EIF2AK3: variants seen among roughly 807,000 people sequenced by gnomAD.
EIF2AK3 encodes eukaryotic translation initiation factor 2 alpha kinase 3.
In EIF2AK3, 50 loss-of-function variants were observed where a neutral mutation model predicts 113.5. The observed-to-expected ratio is 0.44, with a 90% CI of 0.35 to 0.56. EIF2AK3 has a LOEUF of 0.56. Among genes scored for constraint, EIF2AK3 ranks in the 20% least tolerant of loss-of-function variants. The pLI is 0.00. For synonymous variants in EIF2AK3, 448 were observed against 495.4 expected (o/e 0.90, Z 1.27); for missense variants, 1,185 against 1,378.0 (o/e 0.86, Z 2.22).
chr2:88,583,926 TAAC>T (rs758210548), intron 9 of EIF2AK3, among the ~76,000 whole-genome samples: 42 of 152,020 alleles, frequency 2.8e-4, no homozygotes, highest in East Asian at 1.9e-4. Flanking sequence ...CCAGTAACAA[TAAC>T]AACAACAACA....
intron 2 of EIF2AK3, among the ~76,000 whole-genome samples, chr2:88,602,340 T>C (rs1675170833): frequency 6.6e-6 from 1 of 152,096 alleles, no homozygotes; most frequent in African/African-American, 2.4e-5. Context: ...GTGAGACCAG[T>C]GTGTTCCCTA....
At chr2:88,582,968 G>A (rs1674634912) in intron 10 of EIF2AK3, among the ~76,000 whole-genome samples, 1 of 151,982 alleles carries the variant, frequency 6.6e-6, no homozygotes, top group Non-Finnish European at 1.5e-5. Context: ...TATTTAAACT[G>A]CCTACTTTTA....
In EIF2AK3 at chr2:88,590,469, C is replaced by T. The variant is rs1396329078; in HGVS notation, c.1139G>A (p.Gly380Glu). ...CAAGTAAACACTGTTTTCTGTGGCT[C>T]CTCTGGCAGCTTCTACAATGTCTTC... ...DEEDIVEAARGATENSVYLGM... is the reference protein window; with the variant it reads ...DEEDIVEAAREATENSVYLGM... The change falls in exon 6 of 17, where the codon GGA becomes GAA. Residue 380 changes from glycine (G) to glutamate (E), a missense_variant. Gly to Glu is a moderately conservative substitution (Grantham distance 98). Transcript: ENST00000303236. The T allele has an allele frequency of 6.2e-7, 1 of 1,613,842 alleles. No homozygotes were observed. Among genetic ancestry groups the T allele is most frequent in the African/African-American group, 1.3e-5 (1 of 75,016 alleles).
In EIF2AK3 at chr2:88,621,025, C is replaced by A. The variant is rs182236197; in HGVS notation, c.308+5942G>T. 1.7e-3 allele frequency among the ~76,000 whole-genome samples: 253 copies of A among 152,276 alleles called. 2 individuals carry two copies. The highest frequency in any genetic ancestry group is 6.0e-3 in the African/African-American group (249 of 41,546). The stretch of plus-strand genomic sequence containing the variant: ...GATGTGATTTACCTAAGGTTATGCA[C>A]CAAATACAAAATTTTGAACAGGAGC... On this transcript the variant is annotated intron_variant, in intron 1 of 16. Transcript: ENST00000303236.
chr2:88,622,602 G>T (rs1010414091), intron 1 of EIF2AK3, among the ~76,000 whole-genome samples: 2 of 152,152 alleles, frequency 1.3e-5, no homozygotes, highest in Non-Finnish European at 2.9e-5. Flanking sequence ...TTCATTACTT[G>T]CCTGAAGTAT....
chr2:88,564,632 C>T (rs1399005113), intron 14 of EIF2AK3, among the ~76,000 whole-genome samples: 1 of 152,170 alleles, frequency 6.6e-6, no homozygotes, highest in African/African-American at 2.4e-5. Flanking sequence ...CCGGGACTAC[C>T]TGGTGTTCAT....
intron 1 of EIF2AK3, among the ~76,000 whole-genome samples, 171 bp from the exon 2 acceptor site, chr2:88,614,024 A>G (rs1032540621): frequency 6.6e-6 from 1 of 152,092 alleles, no homozygotes; most frequent in African/African-American, 2.4e-5. Context: ...CAATTTCAAT[A>G]TGCCCTTTAT....
chr2:88,614,009 C>A (rs577439390), intron 1 of EIF2AK3, among the ~76,000 whole-genome samples, 156 bp from the exon 2 acceptor site: 1 of 152,106 alleles, frequency 6.6e-6, no homozygotes, highest in Non-Finnish European at 1.5e-5. Context: ...GTCTTTGGAC[C>A]AAGACAATTT....
At chr2:88,615,200 ACACTCC>A (rs1675539869) in intron 1 of EIF2AK3, among the ~76,000 whole-genome samples, 1 of 152,190 alleles carries the variant, frequency 6.6e-6, no homozygotes, top group African/African-American at 2.4e-5. Context: ...TGAACTGTCC[ACACTCC>A]CATCTACCGC....
intron 16 of EIF2AK3, 28 bp from the exon 17 acceptor site, chr2:88,557,964 A>G (rs1424520927): frequency 2.5e-6 from 4 of 1,606,074 alleles, no homozygotes; most frequent in East Asian, 2.2e-5. Context: ...GTTTTGTGAT[A>G]AAACGGCCAG....
At chr2:88,568,660 C>T (rs760274784) in intron 14 of EIF2AK3, among the ~76,000 whole-genome samples, 1 of 152,080 alleles carries the variant, frequency 6.6e-6, no homozygotes, top group Non-Finnish European at 1.5e-5. Flanking sequence ...TGTATTAAAA[C>T]GACAGTATGT....
At chr2:88,559,259 G>A (rs1673873643) in intron 15 of EIF2AK3, among the ~76,000 whole-genome samples, 1 of 152,086 alleles carries the variant, frequency 6.6e-6, no homozygotes. Flanking sequence ...TTTAAAAATA[G>A]ATGGTTGCAT....
At chr2:88,560,722 T>C (rs985950307) in intron 15 of EIF2AK3, among the ~76,000 whole-genome samples, 19 of 152,178 alleles carry the variant, frequency 1.2e-4, no homozygotes, top group Non-Finnish European at 2.2e-4. Context: ...ATTTCTGGTG[T>C]TCTGAAAATG....
In EIF2AK3 at chr2:88,576,708, AAGAG is replaced by A. The variant is rs371431418; in HGVS notation, c.1887-9_1887-6del. 5.0e-6 allele frequency: 8 copies of A among 1,613,968 alleles called. No homozygotes were observed. The highest frequency in any genetic ancestry group is 6.8e-6 in the Non-Finnish European group (8 of 1,179,958). On this transcript the variant is annotated splice_polypyrimidine_tract_variant and splice_region_variant and intron_variant, in intron 11 of 16. Transcript: ENST00000303236. Reference sequence around the variant, plus strand: ...ACCTTTTCCCGAGCCAATTCCCTGAAAGAGAGAAAATATTTAAGGTGATGGATAT... The same window carrying A: ...ACCTTTTCCCGAGCCAATTCCCTGAAAGAAAATATTTAAGGTGATGGATAT...
intron 2 of EIF2AK3, chr2:88,596,003 G>T: frequency 2.6e-6 from 1 of 382,874 alleles, no homozygotes; most frequent in South Asian, 2.6e-5. Flanking sequence ...AGTTCAAGAA[G>T]AGGTTACTAT....
intron 3 of EIF2AK3, 33 bp downstream of exon 3, chr2:88,595,436 T>C (rs1394009172): frequency 6.3e-7 from 1 of 1,599,084 alleles, no homozygotes; most frequent in African/African-American, 1.3e-5. Context: ...TTTACTCTGA[T>C]TTCCCCAAAG....
chr2:88,579,413 A>C, intron 11 of EIF2AK3, 105 bp downstream of exon 11: 1 of 1,473,518 alleles, frequency 6.8e-7, no homozygotes, highest in Non-Finnish European at 9.4e-7. Flanking sequence ...AACGTCTGAA[A>C]CTGTTTTCTA....
rs540326435 is a variant in EIF2AK3 at position 88,564,371 on chromosome 2, A to G, written c.2986-1981T>C. On this transcript the variant is annotated intron_variant, in intron 14 of 16. Transcript: ENST00000303236. ...AGCACTTTATAAAGTGACAGTTTCT[A>G]TGTTTAAAGAGGATTAAGAAGATAA... 1.6e-4 allele frequency among the ~76,000 whole-genome samples: 25 copies of G among 152,326 alleles called. No homozygotes were observed. The South Asian group carries it at 3.7e-3, about 23-fold the overall frequency.
chr2:88,589,443 T>C (rs969088355), intron 6 of EIF2AK3, among the ~76,000 whole-genome samples: 2 of 152,008 alleles, frequency 1.3e-5, no homozygotes, highest in Non-Finnish European at 2.9e-5. Context: ...ATTTATAATA[T>C]TAAAGGCTTT....
Sources: gnomAD v4.1 joint callset for allele counts (sites outside exome capture counted in the v4.1 genomes callset) on GRCh38, gnomAD v4.1.1 for gene constraint, MANE v1.5 for transcripts, NCBI Gene and HGNC (gene_info 2026-07-23, HGNC 2026-07-21) for gene names.